Variants in CASP10 observed in about 807,000 individuals in gnomAD.
CASP10 encodes the protein caspase-10.
In CASP10, 41 loss-of-function variants were observed where a neutral mutation model predicts 48.5. That is an observed-to-expected ratio of 0.85 (90% CI 0.66 to 1.10). CASP10 has a LOEUF of 1.10. Among genes scored for constraint, CASP10 ranks in the 50% least tolerant of loss-of-function variants. The pLI is 0.00. For missense variants in CASP10, 614 were observed against 614.5 expected (o/e 1.00, Z 0.01); for synonymous variants, 232 against 238.4 (o/e 0.97, Z 0.25).
chr2:201,189,684 G>A (rs1290483371), intron 3 of CASP10, among the ~76,000 whole-genome samples: 1 of 152,048 alleles, frequency 6.6e-6, no homozygotes, highest in Non-Finnish European at 1.5e-5. Flanking sequence ...TCAATCTACT[G>A]CAATTATTAT....
At position 201,220,665 on chromosome 2, in the gene CASP10, GTT is replaced by G. The variant is rs886055426; in HGVS notation, c.*2927_*2928del. The stretch of plus-strand genomic sequence containing the variant: ...TCGGCCAGAAGCCCCTTTCAAATTT[GTT>G]TTCTCTAAAATAAACCTGTCCTTGG... On this transcript the variant is annotated 3_prime_UTR_variant, in exon 10 of 10. Transcript: ENST00000286186. 6.2e-5 allele frequency: 54 copies of G among 872,302 alleles called. No individual in the cohort carries two copies. The highest frequency in any genetic ancestry group is 2.2e-5 in the Non-Finnish European group (16 of 726,996). The allele number at this position is 872,302 out of a possible 1,614,324, so 54.0% of individuals were successfully genotyped here.
At position 201,183,230 on chromosome 2, in the gene CASP10, C is replaced by T. The variant is rs1944291940; in HGVS notation, c.-86C>T. ...ACCTTGGAGCACACAGAGGATTCTA[C>T]TTTCTTTAAAACTTTGTTTTCAGGC... On this transcript the variant is annotated 5_prime_UTR_variant, in exon 1 of 10. Transcript: ENST00000286186. The T allele has an allele frequency of 1.3e-5, 2 of 152,330 alleles. No homozygotes were observed. The highest frequency in any genetic ancestry group is 3.9e-4 in the East Asian group (2 of 5,188). The allele number at this position is 152,330 out of a possible 1,614,324, so 9.4% of individuals were successfully genotyped here. A position where few individuals can be genotyped will look rare whatever the true frequency, so the allele number is the denominator to read the frequency against.
downstream of CASP10, among the ~76,000 whole-genome samples, chr2:201,225,409 G>A (rs193255146): frequency 5.3e-5 from 8 of 152,278 alleles, no homozygotes; most frequent in South Asian, 2.1e-4. Flanking sequence ...GACAGGTCTC[G>A]TTTCAAACCA....
At position 201,186,013 on chromosome 2, in the gene CASP10, T is replaced by C. The variant is rs1279605829; in HGVS notation, c.236T>C (p.Leu79Pro). 6.2e-7 allele frequency: 1 copy of C among 1,613,578 alleles called. No individual in the cohort carries two copies. Among genetic ancestry groups the C allele is most frequent in the Non-Finnish European group, 8.5e-7 (1 of 1,179,994 alleles). ...DLLSEEDPFFLAELLYIIRQK... is the reference protein window; with the variant it reads ...DLLSEEDPFFPAELLYIIRQK... ...CTGAGTGAGGAAGACCCTTTCTTCC[T>C]GGCAGAACTCCTCTATATCATACGG... The change falls in exon 2 of 10, where the codon CTG becomes CCG. Residue 79 changes from leucine (L) to proline (P), a missense_variant. Physicochemically the swap from Leu to Pro is moderately conservative, Grantham distance 98 (BLOSUM62 -3). Transcript: ENST00000286186.
exon 10 of CASP10, chr2:201,229,021 C>A (rs1473087404): frequency 6.2e-7 from 1 of 1,614,170 alleles, no homozygotes. Context: ...AACCTCCCTG[C>A]CCACGGCCAT....
chr2:201,199,112 A>C (rs1402109505), intron 5 of CASP10, among the ~76,000 whole-genome samples: 1 of 152,092 alleles, frequency 6.6e-6, no homozygotes, highest in Admixed American at 6.6e-5. Flanking sequence ...TTTTTTCTGA[A>C]CTTTTTGAGA....
rs558754887 is a variant in CASP10, at chr2:201,216,715, G to A, written c.1416-873G>A. On this transcript the variant is annotated intron_variant, in intron 9 of 9. Transcript: ENST00000286186. Reference sequence around the variant, plus strand: ...TGCTCTCGGCAACCCCTAAGATGGGGACTGTTATGGTTCCTATTTTAGAGC... The same window carrying A: ...TGCTCTCGGCAACCCCTAAGATGGGAACTGTTATGGTTCCTATTTTAGAGC... 2.0e-5 allele frequency among the ~76,000 whole-genome samples: 3 copies of A among 152,244 alleles called. No individual in the cohort carries two copies. In the East Asian group the frequency reaches 5.8e-4, roughly 29 times the overall value.
In CASP10 at chr2:201,207,852, G is replaced by A. The variant is rs376101282; in HGVS notation, c.814-223G>A. Among the ~76,000 whole-genome samples, 72 of 151,938 alleles carry A rather than the reference G, an allele frequency of 4.7e-4. 1 individual carries two copies. In the East Asian group the frequency reaches 0.012, roughly 25 times the overall value. ...GCAGAGGTTGCAGTGAGCCGAGATCGCGTCACTCACTCCAGCCTGGGCAAC... is the reference window on the plus strand; with the variant it reads ...GCAGAGGTTGCAGTGAGCCGAGATCACGTCACTCACTCCAGCCTGGGCAAC... On this transcript the variant is annotated intron_variant, in intron 7 of 9. Coordinates refer to ENST00000286186, the MANE Select transcript of CASP10 (RefSeq NM_032977.4).
At chr2:201,203,488 G>C (rs530980868) in intron 5 of CASP10, among the ~76,000 whole-genome samples, 1 of 152,110 alleles carries the variant, frequency 6.6e-6, no homozygotes, top group East Asian at 1.9e-4. Context: ...TTTATTTTTA[G>C]TAGAGGTGGG....
chr2:201,183,443 G>T (rs1234557537), intron 1 of CASP10, 135 bp downstream of exon 1: 1 of 152,084 alleles, frequency 6.6e-6, no homozygotes, highest in Non-Finnish European at 1.5e-5. Flanking sequence ...TCTTTGTCAT[G>T]CCTGGGAAAA....
rs749820662 is a variant in CASP10 at position 201,186,020 on chromosome 2, ACTC to A, written c.247_249del (p.Leu83del). On this transcript the variant is annotated inframe_deletion, in exon 2 of 10. Coordinates refer to ENST00000286186, the MANE Select transcript of CASP10 (RefSeq NM_032977.4). ...AGGAAGACCCTTTCTTCCTGGCAGA[ACTC>A]CTCTATATCATACGGCAGAAGAAGC... 1.2e-5 allele frequency: 19 copies of A among 1,613,258 alleles called. No homozygotes were observed. In the South Asian group the frequency reaches 1.8e-4, roughly 15 times the overall value.
At position 201,183,245 on chromosome 2, in the gene CASP10, T is replaced by C. The variant is rs907313142; in HGVS notation, c.-71T>C. 6 of 152,234 alleles carry C rather than the reference T, an allele frequency of 3.9e-5. No individual in the cohort carries two copies. The highest frequency in any genetic ancestry group is 3.3e-4 in the Admixed American group (5 of 15,282). 9.4% of individuals were successfully genotyped at this position (152,234 alleles called of 1,614,324 possible). A position where few individuals can be genotyped will look rare whatever the true frequency, so the allele number is the denominator to read the frequency against. ...GAGGATTCTACTTTCTTTAAAACTTTGTTTTCAGGCAATTTCCCTGAGAAC... is the reference window on the plus strand; with the variant it reads ...GAGGATTCTACTTTCTTTAAAACTTCGTTTTCAGGCAATTTCCCTGAGAAC... On this transcript the variant is annotated 5_prime_UTR_variant, in exon 1 of 10. Coordinates refer to ENST00000286186, the MANE Select transcript of CASP10 (RefSeq NM_032977.4).
At position 201,193,090 on chromosome 2, in the gene CASP10, GA is replaced by G. The variant is rs1300439483; in HGVS notation, c.551del (p.Asn184ThrfsTer2). On this transcript the variant is annotated frameshift_variant, in exon 4 of 10. Transcript: ENST00000286186. LOFTEE classifies it high-confidence loss of function. ...AAAACAGTTGTACCTAAACTTTTGA[GA>G]AACATAGAGAAATACAAAAGAGAGA... ...LCKTVVPKLL[R>X]NIEKYKREKA... 1 of 1,613,724 alleles carries G rather than the reference GA, an allele frequency of 6.2e-7. No individual in the cohort carries two copies. The highest frequency in any genetic ancestry group is 8.5e-7 in the Non-Finnish European group (1 of 1,179,816).
chr2:201,196,939 T>C lies in CASP10; in HGVS notation c.684+991T>C, dbSNP rs112693179. 2.0e-5 allele frequency among the ~76,000 whole-genome samples: 3 copies of C among 152,194 alleles called. No individual in the cohort carries two copies. The East Asian group carries it at 5.8e-4, about 29-fold the overall frequency. ...TATAAGTAGAACCATACAATATTTGTTCGTTTGTGACTAGCTTATTTCACT... is the reference window on the plus strand; with the variant it reads ...TATAAGTAGAACCATACAATATTTGCTCGTTTGTGACTAGCTTATTTCACT... On this transcript the variant is annotated intron_variant, in intron 5 of 9. Coordinates refer to ENST00000286186, the MANE Select transcript of CASP10 (RefSeq NM_032977.4).
At position 201,219,875 on chromosome 2, in the gene CASP10, C is replaced by T; in HGVS notation, c.*2134C>T. 1.0e-6 allele frequency: 1 copy of T among 985,424 alleles called. No homozygotes were observed. 61.0% of individuals were successfully genotyped at this position (985,424 alleles called of 1,614,324 possible). On this transcript the variant is annotated 3_prime_UTR_variant, in exon 10 of 10. Coordinates refer to ENST00000286186, the MANE Select transcript of CASP10 (RefSeq NM_032977.4). ...GGCCTGGGGATGTGAACAACCTGCT[C>T]ACAGTCCTCATTTACTGGATTTGAC...
In CASP10 at chr2:201,208,192, G is replaced by C; in HGVS notation, c.922+9G>C. Reference sequence around the variant, plus strand: ...AACCCATAAAGATGCTGGTAAGAAAGTCTGGAACAGTTTATCAAATGCAAA... The same window carrying C: ...AACCCATAAAGATGCTGGTAAGAAACTCTGGAACAGTTTATCAAATGCAAA... On this transcript the variant is annotated intron_variant, in intron 8 of 9. Transcript: ENST00000286186. 6.2e-7 allele frequency: 1 copy of C among 1,601,880 alleles called. No individual in the cohort carries two copies. The highest frequency in any genetic ancestry group is 8.5e-7 in the Non-Finnish European group (1 of 1,176,286).
At chr2:201,206,682 G>A (rs1945219924) in intron 7 of CASP10, among the ~76,000 whole-genome samples, 1 of 150,626 alleles carries the variant, frequency 6.6e-6, no homozygotes, top group Non-Finnish European at 1.5e-5. Context: ...GGCTTGTCCT[G>A]AACTCTCAGG....
intron 9 of CASP10, chr2:201,214,875 G>C (rs1429189253): frequency 2.6e-5 from 4 of 152,044 alleles, no homozygotes; most frequent in Non-Finnish European, 5.9e-5. Flanking sequence ...GATGATATTA[G>C]GTGGGACTGA....
chr2:201,215,175 A>AT (rs963014988), intron 9 of CASP10, among the ~76,000 whole-genome samples: 2 of 99,866 alleles, frequency 2.0e-5, no homozygotes, highest in African/African-American at 3.9e-5. Flanking sequence ...TAATTTGCAA[A>AT]TTTTTTTCCT....
Sources: allele counts gnomAD v4.1 joint callset (sites outside exome capture counted in the v4.1 genomes callset), GRCh38; gene constraint gnomAD v4.1.1; transcripts MANE v1.5; gene names NCBI Gene and HGNC (gene_info 2026-07-23, HGNC 2026-07-21).